The following SCHIP1 variants were observed in gnomAD, a reference collection of about 807,000 sequenced individuals.
SCHIP1 encodes schwannomin-interacting protein 1.
SCHIP1 carries 8 observed loss-of-function variants against 29.7 expected under a neutral mutation model. The ratio of observed to expected loss-of-function variants is 0.27; its 90% CI spans 0.16 to 0.49. The LOEUF (loss-of-function observed/expected upper bound fraction) is 0.49, where lower values mean the gene tolerates loss of function less well. Among genes scored for constraint, SCHIP1 ranks in the 20% least tolerant of loss-of-function variants. SCHIP1 has a pLI of 0.99. For synonymous variants in SCHIP1, 76 were observed against 94.9 expected, an observed-to-expected ratio of 0.80 and a Z score of 1.16; for missense variants, 193 against 294.6, an observed-to-expected ratio of 0.66 and a Z score of 2.52.
At chr3:159,299,384 A>T in the SCHIP1 span, among the ~76,000 whole-genome samples, 1 of 152,162 alleles carries the variant, frequency 6.6e-6, no homozygotes, top group African/African-American at 2.4e-5. Context: ...TGGTTTGAGT[A>T]ATGGAATTTA....
the SCHIP1 span, among the ~76,000 whole-genome samples, chr3:159,803,177 A>ATGTG: frequency 1.1e-3 from 163 of 150,646 alleles, no homozygotes; most frequent in African/African-American, 3.5e-3. Flanking sequence ...AAAGGTGTGT[A>ATGTG]TGTGTGTGTG....
At chr3:159,742,860 G>GT in the SCHIP1 span, among the ~76,000 whole-genome samples, 1 of 134,212 alleles carries the variant, frequency 7.5e-6, no homozygotes. Context: ...TTTTTTTTTG[G>GT]ATTTTTAGTA....
At chr3:159,305,301 C>T in the SCHIP1 span, among the ~76,000 whole-genome samples, 1 of 152,214 alleles carries the variant, frequency 6.6e-6, no homozygotes, top group Non-Finnish European at 1.5e-5. Context: ...TCCCCAGTCT[C>T]CCATGTCCCT....
chr3:159,374,110 T>C, the SCHIP1 span, among the ~76,000 whole-genome samples: 1 of 152,210 alleles, frequency 6.6e-6, no homozygotes, highest in Admixed American at 6.5e-5. Context: ...ATCATAGCTT[T>C]ACACATTTTT....
At chr3:159,755,199 GA>G in the SCHIP1 span, among the ~76,000 whole-genome samples, 35 of 152,048 alleles carry the variant, frequency 2.3e-4, no homozygotes, top group African/African-American at 7.5e-4. Context: ...CACGCCACTG[GA>G]CTCCAGCCTG....
At chr3:159,661,530 C>A in the SCHIP1 span, among the ~76,000 whole-genome samples, 1 of 152,200 alleles carries the variant, frequency 6.6e-6, no homozygotes, top group Non-Finnish European at 1.5e-5. Flanking sequence ...GACACACAAT[C>A]AGTAGGGTTA....
At chr3:159,667,961 T>G in the SCHIP1 span, among the ~76,000 whole-genome samples, 1 of 152,148 alleles carries the variant, frequency 6.6e-6, no homozygotes, top group South Asian at 2.1e-4. Context: ...AAGGAAAAAG[T>G]TGGAGAAAGG....
At chr3:159,724,311 G>T in the SCHIP1 span, among the ~76,000 whole-genome samples, 1 of 152,126 alleles carries the variant, frequency 6.6e-6, no homozygotes, top group South Asian at 2.1e-4. Flanking sequence ...GGGAGCTAAT[G>T]TGAGTTAGGA....
At chr3:159,277,825 G>A in the SCHIP1 span, among the ~76,000 whole-genome samples, 4 of 151,770 alleles carry the variant, frequency 2.6e-5, no homozygotes, top group Non-Finnish European at 4.4e-5. Flanking sequence ...TGAAGCAGGC[G>A]AATCACTTGA....
At chr3:159,493,134 C>A in the SCHIP1 span, among the ~76,000 whole-genome samples, 3 of 152,306 alleles carry the variant, frequency 2.0e-5, no homozygotes, top group South Asian at 2.1e-4. Flanking sequence ...CAAGTACCAG[C>A]CACTGCAAAA....
the SCHIP1 span, among the ~76,000 whole-genome samples, chr3:159,430,817 C>T: frequency 6.6e-6 from 1 of 152,106 alleles, no homozygotes; most frequent in Admixed American, 6.6e-5. Flanking sequence ...GTGGACTGAT[C>T]TGCTCAAGGG....
the SCHIP1 span, among the ~76,000 whole-genome samples, chr3:159,552,674 T>A: frequency 6.6e-6 from 1 of 152,220 alleles, no homozygotes; most frequent in Non-Finnish European, 1.5e-5. Flanking sequence ...TAATCCATCT[T>A]TCTTGCTTTT....
At chr3:159,350,642 G>A in the SCHIP1 span, among the ~76,000 whole-genome samples, 1 of 151,938 alleles carries the variant, frequency 6.6e-6, no homozygotes, top group Admixed American at 6.6e-5. Flanking sequence ...ATTTTATTGT[G>A]TATATTTAAG....
At chr3:159,652,719 TG>T in the SCHIP1 span, among the ~76,000 whole-genome samples, 757 of 150,928 alleles carry the variant, frequency 5.0e-3, 3 homozygotes, top group Non-Finnish European at 8.0e-3. Flanking sequence ...AGGGCAGGAG[TG>T]AAAAAAGCCA....
At chr3:159,784,974 C>T in the SCHIP1 span, among the ~76,000 whole-genome samples, 100,652 of 152,120 alleles carry the variant, frequency 0.66, 33,793 homozygotes, top group East Asian at 0.99. Context: ...TTTTAAATCA[C>T]GGTGCTAGGT....
At chr3:159,722,059 A>G in the SCHIP1 span, 3 of 359,252 alleles carry the variant, frequency 8.4e-6, no homozygotes, top group Non-Finnish European at 1.6e-5. Flanking sequence ...TCATCCCTTC[A>G]GTTGGTTTCT....
chr3:159,425,479 C>G, the SCHIP1 span, among the ~76,000 whole-genome samples: 1 of 152,172 alleles, frequency 6.6e-6, no homozygotes, highest in East Asian at 1.9e-4. Flanking sequence ...ATCAATTCAA[C>G]AAGAAGAGCT....
At chr3:159,281,792 A>G in the SCHIP1 span, among the ~76,000 whole-genome samples, 1 of 152,146 alleles carries the variant, frequency 6.6e-6, no homozygotes, top group Non-Finnish European at 1.5e-5. Context: ...TTATCGTTGT[A>G]ATGTGTATAT....
At chr3:159,419,064 C>CA in the SCHIP1 span, among the ~76,000 whole-genome samples, 1,083 of 151,712 alleles carry the variant, frequency 7.1e-3, 11 homozygotes, top group South Asian at 0.032. Flanking sequence ...TCCTTGCAAA[C>CA]AAAAAAAAAC....
Sources: gnomAD v4.1 joint callset for allele counts (sites outside exome capture counted in the v4.1 genomes callset) on GRCh38, gnomAD v4.1.1 for gene constraint, MANE v1.5 for transcripts, NCBI Gene and HGNC (gene_info 2026-07-23, HGNC 2026-07-21) for gene names.